Variants in MX1 observed in about 807,000 individuals in gnomAD.
The protein encoded by MX1 is interferon-induced GTP-binding protein Mx1.
MX1 carries 66 observed loss-of-function variants against 66.4 expected under a neutral mutation model. The observed-to-expected ratio is 0.99, with a 90% CI of 0.82 to 1.22. The LOEUF (loss-of-function observed/expected upper bound fraction) is 1.22, where lower values mean the gene tolerates loss of function less well. Among genes scored for constraint, MX1 ranks in the 50% most tolerant of loss-of-function variants. The pLI is 0.00. For synonymous variants in MX1, 311 were observed against 318.1 expected, an observed-to-expected ratio of 0.98 and a Z score of 0.24; for missense variants, 787 against 834.3, an observed-to-expected ratio of 0.94 and a Z score of 0.70.
chr21:41,431,498 C>G (rs1555883206), intron 4 of MX1, among the ~76,000 whole-genome samples: 1 of 139,462 alleles, frequency 7.2e-6, no homozygotes, highest in Admixed American at 7.3e-5. Context: ...TTTTTTGAGA[C>G]AGAGTCTTGC....
At chr21:41,448,760 C>G (rs2090735476) in intron 13 of MX1, among the ~76,000 whole-genome samples, 1 of 152,030 alleles carries the variant, frequency 6.6e-6, no homozygotes, top group Non-Finnish European at 1.5e-5. Flanking sequence ...GAGCTGAGAT[C>G]ACGCCACTGC....
chr21:41,455,767 T>C lies in MX1; in HGVS notation c.1759-2761T>C, dbSNP rs532509723. Among the ~76,000 whole-genome samples, 416 of 152,378 alleles carry C rather than the reference T, an allele frequency of 2.7e-3. 3 individuals are homozygous for C. Among genetic ancestry groups the C allele is most frequent in the Non-Finnish European group, 4.8e-3 (327 of 68,038 alleles). On this transcript the variant is annotated intron_variant, in intron 16 of 16. Coordinates refer to ENST00000398598, the MANE Select transcript of MX1 (RefSeq NM_002462.5). ...TGAGTATCCCATTTTATGGATGTGG[T>C]ATATTGAGCCAGCTCCCTTTAAGCG... is the stretch of plus-strand genomic sequence containing the variant.
At chr21:41,458,088 C>A (rs1468765796) in intron 16 of MX1, among the ~76,000 whole-genome samples, 1 of 152,156 alleles carries the variant, frequency 6.6e-6, no homozygotes, top group Non-Finnish European at 1.5e-5. Flanking sequence ...ACTGCAGCCT[C>A]CCCCTGCCTG....
In MX1 at chr21:41,436,282, C is replaced by T. The variant is rs189396469; in HGVS notation, c.298+253C>T. Among the ~76,000 whole-genome samples, 23 of 152,336 alleles carry T rather than the reference C, an allele frequency of 1.5e-4. No individual in the cohort carries two copies. The East Asian group carries it at 3.5e-3, about 23-fold the overall frequency. The stretch of plus-strand genomic sequence containing the variant: ...TCCCCTTCTTCATAAGGGCACCAGT[C>T]ATATTGGATTGGGGCCTACCCTAAT... On this transcript the variant is annotated intron_variant, in intron 6 of 16. Coordinates refer to ENST00000398598, the MANE Select transcript of MX1 (RefSeq NM_002462.5).
chr21:41,447,964 A>G (rs1433417356), intron 13 of MX1, among the ~76,000 whole-genome samples: 1 of 152,234 alleles, frequency 6.6e-6, no homozygotes, highest in Admixed American at 6.5e-5. Context: ...TCCTGACCTC[A>G]GGTGATCACT....
chr21:41,423,546 G>A (rs562483543), upstream of MX1, among the ~76,000 whole-genome samples: 13 of 152,242 alleles, frequency 8.5e-5, no homozygotes, highest in East Asian at 3.9e-4. Flanking sequence ...CTGATTGGTC[G>A]GGTGTGAGCT....
intron 5 of MX1, among the ~76,000 whole-genome samples, chr21:41,434,567 C>T (rs1444967619): frequency 6.6e-6 from 1 of 152,012 alleles, no homozygotes; most frequent in African/African-American, 2.4e-5. Flanking sequence ...TTTATGATTC[C>T]ATCATGTCTC....
At chr21:41,444,456 AG>A (rs1156317694) in intron 11 of MX1, among the ~76,000 whole-genome samples, 3 of 150,364 alleles carry the variant, frequency 2.0e-5, no homozygotes, top group Admixed American at 6.7e-5. Flanking sequence ...CCTCCTGAGT[AG>A]CTGGGATTAC....
At chr21:41,451,442 G>A (rs980407695) in intron 15 of MX1, among the ~76,000 whole-genome samples, 199 bp downstream of exon 15, 10 of 152,146 alleles carry the variant, frequency 6.6e-5, no homozygotes, top group African/African-American at 1.2e-4. Context: ...GTGCTTAAAC[G>A]CACAGAACAA....
At chr21:41,434,279 G>A (rs1005307513) in intron 5 of MX1, among the ~76,000 whole-genome samples, 2 of 152,184 alleles carry the variant, frequency 1.3e-5, no homozygotes, top group Non-Finnish European at 2.9e-5. Flanking sequence ...AGGCAGGACC[G>A]AGTGTGAAGT....
chr21:41,446,467 T>C (rs2090668835), intron 13 of MX1, among the ~76,000 whole-genome samples: 1 of 152,208 alleles, frequency 6.6e-6, no homozygotes, highest in Non-Finnish European at 1.5e-5. Flanking sequence ...AACTTCTTGG[T>C]TCCTGGTGCA....
chr21:41,447,028 C>CT (rs1437524965), intron 13 of MX1, among the ~76,000 whole-genome samples: 3 of 152,190 alleles, frequency 2.0e-5, no homozygotes, highest in Non-Finnish European at 4.4e-5. Context: ...TGGCTTGTGT[C>CT]TGTGTGTAGC....
At position 41,437,110 on chromosome 21, in the gene MX1, G is replaced by A. The variant is rs774454492; in HGVS notation, c.394G>A (p.Glu132Lys). The A allele has an allele frequency of 9.3e-6, 15 of 1,613,902 alleles. No homozygotes were observed. Among genetic ancestry groups the A allele is most frequent in the Non-Finnish European group, 1.3e-5 (15 of 1,179,956 alleles). ...GKVSYQDYEI[E>K]ISDASEVEKE... ...GGTCAGTTACCAGGACTACGAGATT[G>A]AGATTTCGGATGCTTCAGAGGTAGA... The change falls in exon 7 of 17, where the codon GAG becomes AAG. Residue 132 changes from glutamate (E) to lysine (K), a missense_variant. Coordinates refer to ENST00000398598, the MANE Select transcript of MX1 (RefSeq NM_002462.5).
chr21:41,457,120 G>A (rs917755043), intron 16 of MX1, among the ~76,000 whole-genome samples: 2 of 152,152 alleles, frequency 1.3e-5, no homozygotes, highest in Non-Finnish European at 2.9e-5. Context: ...ATCTTAATTG[G>A]CATTCTCTTA....
At chr21:41,434,462 A>C (rs535327324) in intron 5 of MX1, among the ~76,000 whole-genome samples, 15 of 152,318 alleles carry the variant, frequency 9.8e-5, no homozygotes, top group South Asian at 8.3e-4. Context: ...TAATATAATT[A>C]GATTTGAGAA....
intron 16 of MX1, among the ~76,000 whole-genome samples, chr21:41,453,753 A>T (rs1230312967): frequency 6.6e-6 from 1 of 152,144 alleles, no homozygotes. Context: ...AATACATGGG[A>T]GGTGTACTTG....
chr21:41,439,539 C>T (rs773394543), intron 7 of MX1, among the ~76,000 whole-genome samples, 155 bp from the exon 8 acceptor site: 11 of 152,212 alleles, frequency 7.2e-5, no homozygotes, highest in Non-Finnish European at 1.5e-4. Flanking sequence ...CCTTTGAGAT[C>T]TCTTTTATCC....
In MX1 at chr21:41,441,954, C is replaced by G. The variant is rs755395005; in HGVS notation, c.929+40C>G. On this transcript the variant is annotated intron_variant, in intron 10 of 16. Coordinates refer to ENST00000398598, the MANE Select transcript of MX1 (RefSeq NM_002462.5). The surrounding 1 kb of genome is among the most constrained non-coding windows in gnomAD (Gnocchi z 4.0). ...GTTTCATCATGGATCAGTCCAAGCC[C>G]AGGATGTCAGGCCTTCCAGGGGACA... 2.5e-6 allele frequency: 4 copies of G among 1,608,198 alleles called. No homozygotes were observed. In the Admixed American group the frequency reaches 6.7e-5, roughly 27 times the overall value.
At position 41,446,108 on chromosome 21, in the gene MX1, T is replaced by C. The variant is rs775625544; in HGVS notation, c.1240T>C (p.Trp414Arg). The change falls in exon 13 of 17, where the codon TGG becomes CGG. Residue 414 changes from tryptophan to arginine, a missense_variant. Coordinates refer to ENST00000398598, the MANE Select transcript of MX1 (RefSeq NM_002462.5). ...CAGACTCCGACACGAGTTCCACAAA[T>C]GGAGTACAATAATTGAAAACAATTT... ...FTRLRHEFHK[W>R]STIIENNFQE... The C allele has an allele frequency of 6.2e-7, 1 of 1,614,086 alleles. No homozygotes were observed. The highest frequency in any genetic ancestry group is 8.5e-7 in the Non-Finnish European group (1 of 1,179,990).
Sources: allele counts gnomAD v4.1 joint callset (sites outside exome capture counted in the v4.1 genomes callset), GRCh38; gene constraint gnomAD v4.1.1; non-coding constraint Gnocchi (gnomAD v3.1); transcripts MANE v1.5; gene names NCBI Gene and HGNC (gene_info 2026-07-23, HGNC 2026-07-21).